Variants in PPP2R1B observed in about 807,000 individuals in gnomAD.
PPP2R1B encodes protein phosphatase 2 scaffold subunit Abeta, also known as serine/threonine-protein phosphatase 2A 65 kDa regulatory subunit A beta isoform.
Under a neutral mutation model 72.7 loss-of-function variants are expected in PPP2R1B, and 58 were observed. That is an observed-to-expected ratio of 0.80 (90% confidence interval 0.65 to 0.99). The LOEUF (loss-of-function observed/expected upper bound fraction) is 0.99, where lower values mean the gene tolerates loss of function less well. Among genes scored for constraint, PPP2R1B ranks in the 50% least tolerant of loss-of-function variants. PPP2R1B has a pLI of 0.00. For missense variants in PPP2R1B, 695 were observed against 733.6 expected (o/e 0.95, Z 0.61); for synonymous variants, 256 against 264.6 (o/e 0.97, Z 0.32).
At chr11:111,737,302 G>T, downstream of PPP2R1B, 1 of 1,212,348 alleles carries the variant, frequency 8.2e-7, no homozygotes, top group Non-Finnish European at 1.1e-6. Flanking sequence ...TCTACTCCCG[G>T]CCCTTAAAAT....
At chr11:111,748,796 G>C (rs1555047056) in intron 10 of PPP2R1B, among the ~76,000 whole-genome samples, 1 of 152,158 alleles carries the variant, frequency 6.6e-6, no homozygotes, top group Admixed American at 6.5e-5. Flanking sequence ...TTTAAAAAAA[G>C]AGAGGTAATA....
chr11:111,703,109 A>T, the PPP2R1B span: 1 of 1,094,044 alleles, frequency 9.1e-7, no homozygotes, highest in Non-Finnish European at 1.3e-6. Flanking sequence ...GGATACAAAG[A>T]TTAACACCCT....
At chr11:111,761,302 C>T in intron 3 of PPP2R1B, 1 of 620,970 alleles carries the variant, frequency 1.6e-6, no homozygotes, top group South Asian at 1.5e-5. Flanking sequence ...CTACAAATGA[C>T]ACAGTGTAAA....
chr11:111,697,110 G>C, the PPP2R1B span, among the ~76,000 whole-genome samples: 3 of 152,214 alleles, frequency 2.0e-5, no homozygotes, highest in Non-Finnish European at 4.4e-5. Context: ...ATGAAGGCTC[G>C]AAGTAGTTAA....
At chr11:111,741,925 A>G (rs993775371) in intron 14 of PPP2R1B, 128 bp downstream of exon 14, 21 of 898,742 alleles carry the variant, frequency 2.3e-5, no homozygotes, top group Admixed American at 1.8e-4. Context: ...CCAGCATTCC[A>G]GGAACTTACT....
Position 111,754,531 on chromosome 11 carries a change from T to C in PPP2R1B, c.997A>G (p.Ile333Val), listed in dbSNP as rs782434436. 6.2e-7 allele frequency: 1 copy of C among 1,603,790 alleles called. No homozygotes were observed. Among genetic ancestry groups the C allele is most frequent in the Non-Finnish European group, 8.5e-7 (1 of 1,177,722 alleles). The change falls in exon 8 of 15, where the codon ATA becomes GTA. Residue 333 changes from isoleucine (I) to valine (V), a missense_variant. By Grantham distance (29) the Ile-to-Val change is conservative. Coordinates refer to ENST00000527614, the MANE Select transcript of PPP2R1B (RefSeq NM_002716.5). ...ENLPIEDRET[I>V]IMNQILPYIK... Reference sequence around the variant, plus strand: ...TAAGGCAGAATTTGATTCATAATTATGGTCTCTCTATCTTCAATGGGCAAG... The same window carrying C: ...TAAGGCAGAATTTGATTCATAATTACGGTCTCTCTATCTTCAATGGGCAAG...
At chr11:111,712,666 C>T in the PPP2R1B span, among the ~76,000 whole-genome samples, 3 of 152,174 alleles carry the variant, frequency 2.0e-5, no homozygotes, top group Admixed American at 6.5e-5. Context: ...TTCCAGATCT[C>T]TCACAAGTGT....
At chr11:111,716,906 C>T in the PPP2R1B span, among the ~76,000 whole-genome samples, 1,134 of 152,188 alleles carry the variant, frequency 7.5e-3, 8 homozygotes, top group Middle Eastern at 0.061. Flanking sequence ...TAATATCCAG[C>T]CCATAAGGAA....
At chr11:111,753,006 T>G (rs1215442072) in intron 9 of PPP2R1B, among the ~76,000 whole-genome samples, 2 of 151,826 alleles carry the variant, frequency 1.3e-5, no homozygotes, top group Non-Finnish European at 2.9e-5. Context: ...GGGATAATAA[T>G]AAGACCTACC....
chr11:111,736,725 T>G (rs993348565), downstream of PPP2R1B, among the ~76,000 whole-genome samples: 20 of 152,348 alleles, frequency 1.3e-4, no homozygotes, highest in Admixed American at 1.3e-3. Flanking sequence ...CCATGTGACT[T>G]AAAAGGCAGC....
intron 9 of PPP2R1B, among the ~76,000 whole-genome samples, chr11:111,752,768 G>T (rs1591695691): frequency 1.3e-5 from 2 of 152,094 alleles, no homozygotes; most frequent in African/African-American, 4.8e-5. Flanking sequence ...GAGGTCAGGA[G>T]ATCGAGACCA....
the PPP2R1B span, among the ~76,000 whole-genome samples, chr11:111,693,032 G>A: frequency 3.1e-3 from 466 of 152,128 alleles, 2 homozygotes; most frequent in African/African-American, 0.01. Context: ...TGTTTTCCCC[G>A]TGGGTAAAAA....
At chr11:111,711,862 G>A in the PPP2R1B span, among the ~76,000 whole-genome samples, 3 of 152,188 alleles carry the variant, frequency 2.0e-5, no homozygotes, top group African/African-American at 4.8e-5. Flanking sequence ...TTATCTGTCT[G>A]GGTATTATAT....
chr11:111,740,329 T>C lies in PPP2R1B; in HGVS notation c.*1267A>G, dbSNP rs1744957412. Reference sequence around the variant, plus strand: ...ACCTCCCAGGTTCAAGCAATTCTCCTGCCTCAGCCTCCTGAGTAGCTGGGA... The same window carrying C: ...ACCTCCCAGGTTCAAGCAATTCTCCCGCCTCAGCCTCCTGAGTAGCTGGGA... On this transcript the variant is annotated 3_prime_UTR_variant, in exon 15 of 15. Transcript: ENST00000527614. 1 of 869,222 alleles carries C rather than the reference T, an allele frequency of 1.2e-6. No homozygotes were observed. The highest frequency in any genetic ancestry group is 1.4e-6 in the Non-Finnish European group (1 of 724,362). 53.8% of individuals were successfully genotyped at this position (869,222 alleles called of 1,614,324 possible). A position where few individuals can be genotyped will look rare whatever the true frequency, so the allele number is the denominator to read the frequency against.
At chr11:111,742,310 T>TGATACGCCGCC in intron 13 of PPP2R1B, 166 bp from the exon 14 acceptor site, 1 of 759,018 alleles carries the variant, frequency 1.3e-6, no homozygotes. Context: ...CTCAGCAAAA[T>TGATACGCCGCC]CAGCTTCAGA....
chr11:111,741,736 G>A, intron 14 of PPP2R1B, 124 bp from the exon 15 acceptor site: 5 of 1,112,204 alleles, frequency 4.5e-6, no homozygotes, highest in African/African-American at 1.6e-5. Flanking sequence ...TGTGGTTACT[G>A]TCTTTACTCA....
chr11:111,719,802 C>T, the PPP2R1B span: 4 of 1,613,948 alleles, frequency 2.5e-6, no homozygotes, highest in East Asian at 2.2e-5. Flanking sequence ...TGACCCTGTG[C>T]CTCCTGTCCT....
At chr11:111,723,504 A>T, downstream of PPP2R1B, 1 of 1,600,002 alleles carries the variant, frequency 6.2e-7, no homozygotes, top group Non-Finnish European at 8.5e-7. Context: ...AGGCTCCAGC[A>T]GAAGCGACTC....
chr11:111,717,918 G>T, the PPP2R1B span, among the ~76,000 whole-genome samples: 1 of 152,116 alleles, frequency 6.6e-6, no homozygotes, highest in Non-Finnish European at 1.5e-5. Flanking sequence ...GGGCCTGTTA[G>T]GGGGGCAATG....
Sources: allele counts gnomAD v4.1 joint callset (sites outside exome capture counted in the v4.1 genomes callset), GRCh38; gene constraint gnomAD v4.1.1; transcripts MANE v1.5; gene names NCBI Gene and HGNC (gene_info 2026-07-23, HGNC 2026-07-21).